PDIA4: variants seen among roughly 807,000 people sequenced by gnomAD.
PDIA4 encodes the protein protein disulfide isomerase family A member 4, also known as protein disulfide-isomerase A4.
A neutral mutation model predicts 62.1 loss-of-function variants in PDIA4; 33 were observed. The observed-to-expected ratio is 0.53, with a 90% CI of 0.40 to 0.71. The LOEUF is 0.71. Among genes scored for constraint, PDIA4 ranks in the 30% least tolerant of loss-of-function variants. The pLI, the probability that PDIA4 is intolerant of heterozygous loss-of-function variation, is 0.00. For synonymous variants in PDIA4, 341 were observed against 324.1 expected, an observed-to-expected ratio of 1.05 and a Z score of -0.56; for missense variants, 804 against 813.6, an observed-to-expected ratio of 0.99 and a Z score of 0.14.
chr7:149,008,892 T>G (rs112175413), intron 6 of PDIA4, among the ~76,000 whole-genome samples: 1,804 of 152,270 alleles, frequency 0.012, 29 homozygotes, highest in African/African-American at 0.041. Flanking sequence ...TTTGTGAGGC[T>G]GAGGCAGGAG....
At position 149,008,225 on chromosome 7, in the gene PDIA4, C is replaced by A; in HGVS notation, c.1065G>T (p.Leu355Phe). 1.2e-6 allele frequency: 2 copies of A among 1,614,136 alleles called. No homozygotes were observed. The highest frequency in any genetic ancestry group is 1.7e-6 in the Non-Finnish European group (2 of 1,180,006). The change falls in exon 7 of 10, where the codon TTG becomes TTT. Residue 355 changes from leucine (L) to phenylalanine (F), a missense_variant. Coordinates refer to ENST00000652332, the MANE Select transcript of PDIA4 (RefSeq NM_004911.5). Reference sequence around the variant, plus strand: ...GGAATTTCTCAGGCTGCATTACAACCAACTGCCCCTGGGAGACTTTCAAGA... The same window carrying A: ...GGAATTTCTCAGGCTGCATTACAACAAACTGCCCCTGGGAGACTTTCAAGA... ...AKFLKVSQGQ[L>F]VVMQPEKFQS...
chr7:149,014,842 G>T, intron 4 of PDIA4, 62 bp downstream of exon 4: 1 of 1,536,078 alleles, frequency 6.5e-7, no homozygotes, highest in Non-Finnish European at 8.9e-7. Flanking sequence ...GCAGGGGCCT[G>T]CCACCCCGCA....
chr7:149,021,199 A>G, intron 1 of PDIA4, 52 bp from the exon 2 acceptor site: 2 of 1,533,960 alleles, frequency 1.3e-6, no homozygotes, highest in Non-Finnish European at 8.8e-7. Flanking sequence ...ACTCTCCTTA[A>G]AACTTTCCTG....
chr7:149,023,563 C>A (rs928149850), intron 1 of PDIA4, among the ~76,000 whole-genome samples: 2 of 152,028 alleles, frequency 1.3e-5, no homozygotes, highest in African/African-American at 4.8e-5. Context: ...TATCCACTCT[C>A]ACTACCTAGC....
chr7:149,017,104 G>A (rs4727010), intron 3 of PDIA4, among the ~76,000 whole-genome samples: 130,000 of 151,746 alleles, frequency 0.86, 58,167 homozygotes, highest in Non-Finnish European at 0.98. Context: ...AGGGCAAGGC[G>A]CTCGTCCAGA....
intron 7 of PDIA4, among the ~76,000 whole-genome samples, chr7:149,006,995 A>G (rs984775178): frequency 3.3e-5 from 5 of 152,128 alleles, no homozygotes; most frequent in Non-Finnish European, 1.5e-5. Context: ...GCTGTGTCCG[A>G]TTCTCGGGAT....
chr7:149,027,794 C>A (rs936735193), intron 1 of PDIA4: 6 of 463,680 alleles, frequency 1.3e-5, no homozygotes, highest in Admixed American at 2.4e-5. Flanking sequence ...AAGGTGCAAA[C>A]CAAGCCATCC....
At chr7:149,017,640 A>C (rs1165857326) in intron 3 of PDIA4, among the ~76,000 whole-genome samples, 5 of 137,878 alleles carry the variant, frequency 3.6e-5, no homozygotes, top group Non-Finnish European at 7.6e-5. Context: ...AAATAAAATT[A>C]AATACATTTT....
rs767211840 is a variant in PDIA4, at chr7:149,003,827, G to A, written c.1905C>T (p.Ala635=). The A allele has an allele frequency of 1.3e-6, 2 of 1,584,400 alleles. No homozygotes were observed. The highest frequency in any genetic ancestry group is 2.2e-5 in the East Asian group (1 of 44,648). Reference sequence around the variant, plus strand: ...CTTCCTTGGTCCTGCTCAGTTTTGTGGCATGTTCTTCTATAAACTTGCTCA... The same window carrying A: ...CTTCCTTGGTCCTGCTCAGTTTTGTAGCATGTTCTTCTATAAACTTGCTCA... ...EHLSKFIEEH[A]TKLSRTKEEL is the part of the protein sequence containing the mutation. Residue 635 remains alanine (A), a synonymous_variant, in exon 10 of 10, where the codon GCC becomes GCT. Transcript: ENST00000652332.
Position 149,005,965 on chromosome 7 carries a change from T to C in PDIA4, c.1220A>G (p.Lys407Arg). The C allele has an allele frequency of 1.3e-6, 2 of 1,538,714 alleles. No homozygotes were observed. The highest frequency in any genetic ancestry group is 1.3e-5 in the South Asian group (1 of 78,244). ...CACCAGGGGGCGCCTGGTGTAGCGCTTAGCATCGTTTGACACCTTGCGGTG... is the reference window on the plus strand; with the variant it reads ...CACCAGGGGGCGCCTGGTGTAGCGCCTAGCATCGTTTGACACCTTGCGGTG... ...VGHRKVSNDA[K>R]RYTRRPLVVV... The change falls in exon 8 of 10, where the codon AAG (lysine) becomes AGG (arginine). Residue 407 changes from lysine to arginine, a missense_variant. Transcript: ENST00000652332.
intron 6 of PDIA4, among the ~76,000 whole-genome samples, chr7:149,009,451 A>C (rs1240552139): frequency 6.6e-6 from 1 of 152,172 alleles, no homozygotes; most frequent in Non-Finnish European, 1.5e-5. Context: ...CTATATCCCT[A>C]TGTGGAGTTT....
chr7:149,005,801 T>C, intron 8 of PDIA4, 96 bp downstream of exon 8: 1 of 1,017,306 alleles, frequency 9.8e-7, no homozygotes, highest in Non-Finnish European at 1.4e-6. Context: ...GTGAGCCATG[T>C]ACATACAGCC....
At chr7:149,017,744 T>C (rs1824193587) in intron 3 of PDIA4, among the ~76,000 whole-genome samples, 1 of 152,086 alleles carries the variant, frequency 6.6e-6, no homozygotes, top group South Asian at 2.1e-4. Context: ...AAAAATCAAA[T>C]AATTTATTTG....
Position 149,028,454 on chromosome 7 carries a change from G to C in PDIA4, c.-46C>G, listed in dbSNP as rs1041194525. 9 of 1,335,280 alleles carry C rather than the reference G, an allele frequency of 6.7e-6. No individual in the cohort carries two copies. Among genetic ancestry groups the C allele is most frequent in the Non-Finnish European group, 8.9e-6 (9 of 1,005,886 alleles). The allele number at this position is 1,335,280 out of a possible 1,614,324, so 82.7% of individuals were successfully genotyped here. A position where few individuals can be genotyped will look rare whatever the true frequency, so the allele number is the denominator to read the frequency against. On this transcript the variant is annotated 5_prime_UTR_variant, in exon 1 of 10. Coordinates refer to ENST00000652332, the MANE Select transcript of PDIA4 (RefSeq NM_004911.5). The stretch of plus-strand genomic sequence containing the variant: ...GCCTCCTAGCGTCGGCGGCCGCTGA[G>C]CGCACCGAGAACTCGGGGTCTGGCC...
Position 149,028,348 on chromosome 7 carries a change from C to G in PDIA4, c.61G>C (p.Val21Leu), listed in dbSNP as rs1233447548. The G allele has an allele frequency of 6.6e-7, 1 of 1,525,710 alleles. No homozygotes were observed. The highest frequency in any genetic ancestry group is 1.2e-5 in the South Asian group (1 of 82,052). 94.5% of individuals were successfully genotyped at this position (1,525,710 alleles called of 1,614,324 possible). ...LLLGLVQLLA[V>L]AGAEGPDEDS... ...TCGTCCGGGCCCTCGGCACCCGCCACGGCCAGCAGCTGCACCAGCCCCAAG... is the reference window on the plus strand; with the variant it reads ...TCGTCCGGGCCCTCGGCACCCGCCAGGGCCAGCAGCTGCACCAGCCCCAAG... Residue 21 changes from valine to leucine, a missense_variant, in exon 1 of 10, where the codon GTG becomes CTG. Val to Leu is a conservative substitution (Grantham distance 32). Transcript: ENST00000652332.
At position 149,012,356 on chromosome 7, in the gene PDIA4, C is replaced by G; in HGVS notation, c.619G>C (p.Gly207Arg). 3 of 1,612,564 alleles carry G rather than the reference C, an allele frequency of 1.9e-6. No homozygotes were observed. The highest frequency in any genetic ancestry group is 2.5e-6 in the Non-Finnish European group (3 of 1,179,612). The change falls in exon 5 of 10, where the codon GGA (glycine) becomes CGA (arginine). Residue 207 changes from glycine (G) to arginine (R), a missense_variant. By Grantham distance (125) the Gly-to-Arg change is moderately radical. Coordinates refer to ENST00000652332, the MANE Select transcript of PDIA4 (RefSeq NM_004911.5). ...ILVEFYAPWCGHCKKLAPEYE... is the reference protein window; with the variant it reads ...ILVEFYAPWCRHCKKLAPEYE... ...TCGGGGGCAAGTTTCTTGCAGTGTC[C>G]ACACCTGCCAAGAGGAAACTGGTTT...
At chr7:149,011,511 G>C (rs1266621453) in intron 6 of PDIA4, among the ~76,000 whole-genome samples, 3 of 152,206 alleles carry the variant, frequency 2.0e-5, no homozygotes, top group Non-Finnish European at 4.4e-5. Flanking sequence ...TGGTCACAGT[G>C]ATAATAACTG....
chr7:149,025,920 T>G (rs1164094894), intron 1 of PDIA4, among the ~76,000 whole-genome samples: 1 of 152,158 alleles, frequency 6.6e-6, no homozygotes, highest in Non-Finnish European at 1.5e-5. Context: ...TGTTTTAGCA[T>G]GAAGGATGTG....
chr7:149,008,040 G>A (rs775388267), intron 7 of PDIA4, 119 bp downstream of exon 7: 34 of 965,782 alleles, frequency 3.5e-5, no homozygotes, highest in Non-Finnish European at 5.0e-5. Flanking sequence ...TGGAAAAGGA[G>A]TTCCAGACCC....
Sources: gnomAD v4.1 joint callset for allele counts (sites outside exome capture counted in the v4.1 genomes callset) on GRCh38, gnomAD v4.1.1 for gene constraint, MANE v1.5 for transcripts, NCBI Gene and HGNC (gene_info 2026-07-23, HGNC 2026-07-21) for gene names.